AGPAT3: variants seen among roughly 807,000 people sequenced by gnomAD.
AGPAT3 encodes the protein 1-acylglycerol-3-phosphate O-acyltransferase 3.
Under a neutral mutation model 47.3 loss-of-function variants are expected in AGPAT3, and 5 were observed. The ratio of observed to expected loss-of-function variants is 0.11; its 90% CI spans 0.06 to 0.22. The LOEUF (loss-of-function observed/expected upper bound fraction) is 0.22. Among genes scored for constraint, AGPAT3 ranks in the 10% least tolerant of loss-of-function variants. The pLI, the probability that AGPAT3 is intolerant of heterozygous loss-of-function variation, is 1.00. For synonymous variants in AGPAT3, 212 were observed against 208.3 expected, an observed-to-expected ratio of 1.02 and a Z score of -0.15; for missense variants, 315 against 493.0, an observed-to-expected ratio of 0.64 and a Z score of 3.42.
intron 2 of AGPAT3, among the ~76,000 whole-genome samples, chr21:43,944,335 C>T (rs1052715050): frequency 6.6e-6 from 1 of 152,240 alleles, no homozygotes; most frequent in African/African-American, 2.4e-5. Context: ...ACACGTCCCT[C>T]CCCCGTGGGC....
At chr21:43,935,539 G>T (rs1027962579) in intron 2 of AGPAT3, among the ~76,000 whole-genome samples, 7 of 152,250 alleles carry the variant, frequency 4.6e-5, no homozygotes, top group African/African-American at 1.4e-4. Flanking sequence ...GGCGGCCTCT[G>T]CACGCAGTAC....
At chr21:43,946,599 T>TAAA (rs36037106) in intron 2 of AGPAT3, among the ~76,000 whole-genome samples, 1 of 133,494 alleles carries the variant, frequency 7.5e-6, no homozygotes, top group Non-Finnish European at 1.6e-5. Context: ...GACTCCTTCT[T>TAAA]AAAAAAAAAA....
At position 43,933,111 on chromosome 21, in the gene AGPAT3, A is replaced by T. The variant is rs149874312; in HGVS notation, c.-48-26523A>T. Among the ~76,000 whole-genome samples the T allele has an allele frequency of 1.3e-5, 2 of 152,216 alleles. No individual in the cohort carries two copies. The highest frequency in any genetic ancestry group is 2.9e-5 in the Non-Finnish European group (2 of 68,032). On this transcript the variant is annotated intron_variant, in intron 2 of 9. Coordinates refer to ENST00000291572, the MANE Select transcript of AGPAT3 (RefSeq NM_020132.5). The surrounding 1 kb of genome is among the most constrained non-coding windows in gnomAD (Gnocchi z 6.0). Reference sequence around the variant, plus strand: ...TTTTGATAATAGCCAACTGAACGGCATGAAATGACACCTCCCTGTGGCTTC... The same window carrying T: ...TTTTGATAATAGCCAACTGAACGGCTTGAAATGACACCTCCCTGTGGCTTC...
intron 8 of AGPAT3, among the ~76,000 whole-genome samples, chr21:43,980,516 G>A (rs546534947): frequency 1.3e-5 from 2 of 152,220 alleles, no homozygotes; most frequent in Non-Finnish European, 1.5e-5. Flanking sequence ...AGCCTCCTTT[G>A]CCAGGCTAGG....
At chr21:43,961,431 G>A (rs562283878) in intron 3 of AGPAT3, among the ~76,000 whole-genome samples, 162 of 142,760 alleles carry the variant, frequency 1.1e-3, no homozygotes, top group Middle Eastern at 4.2e-3. Flanking sequence ...TGAGCGCATA[G>A]ACACTTTGTC....
chr21:43,926,539 C>T (rs979910501), intron 2 of AGPAT3, among the ~76,000 whole-genome samples: 1 of 151,972 alleles, frequency 6.6e-6, no homozygotes, highest in African/African-American at 2.4e-5. Context: ...GAGGAGCCCC[C>T]AGCCCCCACG....
intron 2 of AGPAT3, among the ~76,000 whole-genome samples, chr21:43,953,251 C>T (rs2088287834): frequency 6.6e-6 from 1 of 152,186 alleles, no homozygotes; most frequent in Admixed American, 6.5e-5. Context: ...CTCCACGGGG[C>T]CCTGCATCCC....
chr21:43,971,379 C>A lies in AGPAT3; in HGVS notation c.665-9C>A, dbSNP rs1387732982. The A allele has an allele frequency of 6.2e-7, 1 of 1,613,708 alleles. No individual in the cohort carries two copies. Among genetic ancestry groups the A allele is most frequent in the Non-Finnish European group, 8.5e-7 (1 of 1,179,586 alleles). ...GCTGGGTCATTCACCCTCCCGTCTC[C>A]TCCCACAGTCGCAGCTGTCTATGAT... On this transcript the variant is annotated splice_polypyrimidine_tract_variant and intron_variant, in intron 6 of 9. Coordinates refer to ENST00000291572, the MANE Select transcript of AGPAT3 (RefSeq NM_020132.5).
At chr21:43,974,633 TGTGTG>T (rs756375552) in intron 7 of AGPAT3, among the ~76,000 whole-genome samples, 45 of 151,650 alleles carry the variant, frequency 3.0e-4, no homozygotes, top group Non-Finnish European at 5.4e-4. Context: ...GTGTTTGATA[TGTGTG>T]GTGTGGTGTG....
In AGPAT3 at chr21:43,902,860, C is replaced by T. The variant is rs549178331; in HGVS notation, c.-111-1097C>T. ...CAAAAAATTTAAAAAATTATCTGGGCATGGTGGCATGCACCTGTAGTCCTA... is the reference window on the plus strand; with the variant it reads ...CAAAAAATTTAAAAAATTATCTGGGTATGGTGGCATGCACCTGTAGTCCTA... On this transcript the variant is annotated intron_variant, in intron 1 of 9. Coordinates refer to ENST00000291572, the MANE Select transcript of AGPAT3 (RefSeq NM_020132.5). Among the ~76,000 whole-genome samples, 6 of 152,264 alleles carry T rather than the reference C, an allele frequency of 3.9e-5. No homozygotes were observed. The East Asian group carries it at 9.7e-4, about 24-fold the overall frequency.
At chr21:43,866,295 G>C (rs1275084301) in intron 1 of AGPAT3, among the ~76,000 whole-genome samples, 2 of 151,856 alleles carry the variant, frequency 1.3e-5, no homozygotes, top group Non-Finnish European at 2.9e-5. Flanking sequence ...GTAGAAGAAA[G>C]ATGTGGGCTG....
Position 43,952,076 on chromosome 21 carries a change from G to A in AGPAT3, c.-48-7558G>A, listed in dbSNP as rs1018876550. On this transcript the variant is annotated intron_variant, in intron 2 of 9. Coordinates refer to ENST00000291572, the MANE Select transcript of AGPAT3 (RefSeq NM_020132.5). The surrounding 1 kb of genome is among the most constrained non-coding windows in gnomAD (Gnocchi z 5.6). ...GGGGGTGGGCTGGATGGCGGAACAC[G>A]GGGATGGGCCCGTACCTCTCCAGAA... is the stretch of plus-strand genomic sequence containing the variant. Among the ~76,000 whole-genome samples, 3 of 152,098 alleles carry A rather than the reference G, an allele frequency of 2.0e-5. No homozygotes were observed. The highest frequency in any genetic ancestry group is 6.5e-5 in the Admixed American group (1 of 15,278).
chr21:43,881,192 G>A (rs922428036), intron 1 of AGPAT3, among the ~76,000 whole-genome samples: 39 of 152,118 alleles, frequency 2.6e-4, no homozygotes, highest in African/African-American at 9.4e-4. Context: ...TTTTTATTTT[G>A]TGCCTTGTGA....
rs751504099 is a variant in AGPAT3 at position 43,959,732 on chromosome 21, C to T, written c.51C>T (p.Val17=). 31 of 1,613,742 alleles carry T rather than the reference C, an allele frequency of 1.9e-5. No homozygotes were observed. The highest frequency in any genetic ancestry group is 3.3e-5 in the Admixed American group (2 of 59,994). ...LKTQFVLHLL[V]GFVFVVSGLV... is the part of the protein sequence containing the mutation. ...CCCAGTTCGTGCTGCACCTGCTGGT[C>T]GGCTTTGTCTTCGTGGTGAGTGGTC... The change falls in exon 3 of 10, where the codon GTC becomes GTT. Residue 17 remains valine, a synonymous_variant. Transcript: ENST00000291572.
At chr21:43,948,904 G>C (rs1353107333) in intron 2 of AGPAT3, among the ~76,000 whole-genome samples, 2 of 152,164 alleles carry the variant, frequency 1.3e-5, no homozygotes, top group Non-Finnish European at 2.9e-5. Flanking sequence ...CCTGCTCCAG[G>C]TGCTGAGGTG....
intron 3 of AGPAT3, 142 bp downstream of exon 3, chr21:43,960,001 C>A (rs888147140): frequency 8.2e-6 from 7 of 853,234 alleles, no homozygotes; most frequent in Non-Finnish European, 1.3e-5. Flanking sequence ...GGCAGGCTGT[C>A]GGAAGGCACC....
At chr21:43,921,067 C>G (rs944429446) in intron 2 of AGPAT3, among the ~76,000 whole-genome samples, 1 of 152,130 alleles carries the variant, frequency 6.6e-6, no homozygotes, top group African/African-American at 2.4e-5. Flanking sequence ...GAGCCGAGAT[C>G]GGGCCACTGC....
At chr21:43,923,462 A>G (rs886430029) in intron 2 of AGPAT3, among the ~76,000 whole-genome samples, 1 of 152,204 alleles carries the variant, frequency 6.6e-6, no homozygotes, top group Non-Finnish European at 1.5e-5. Context: ...GCAGTGCTCC[A>G]GGGCACCCAC....
rs2086925118 is a variant in AGPAT3 at position 43,922,632 on chromosome 21, TG to T, written c.-49+18616del. Among the ~76,000 whole-genome samples the T allele has an allele frequency of 6.6e-6, 1 of 152,176 alleles. No individual in the cohort carries two copies. Reference sequence around the variant, plus strand: ...TGACCTGTGACCAAAGGCTGAAGTCTGGGCTGGAGCTACCTGCTCTGTGGGA... The same window carrying T: ...TGACCTGTGACCAAAGGCTGAAGTCTGGCTGGAGCTACCTGCTCTGTGGGA... On this transcript the variant is annotated intron_variant, in intron 2 of 9. Coordinates refer to ENST00000291572, the MANE Select transcript of AGPAT3 (RefSeq NM_020132.5). This position sits in a 1 kb window ranked among gnomAD's most constrained non-coding sequence, Gnocchi z 4.9.
Sources: gnomAD v4.1 joint callset for allele counts (sites outside exome capture counted in the v4.1 genomes callset) on GRCh38, gnomAD v4.1.1 for gene constraint, Gnocchi (gnomAD v3.1) non-coding constraint, MANE v1.5 for transcripts, NCBI Gene and HGNC (gene_info 2026-07-23, HGNC 2026-07-21) for gene names.